MLLT3: variants seen among roughly 807,000 people sequenced by gnomAD.
MLLT3 encodes the protein protein AF-9.
Under a neutral mutation model 53.2 loss-of-function variants are expected in MLLT3, and 4 were observed. The observed-to-expected ratio is 0.08, with a 90% CI of 0.04 to 0.17. The LOEUF (loss-of-function observed/expected upper bound fraction) is 0.17, where lower values mean the gene tolerates loss of function less well. Among genes scored for constraint, MLLT3 ranks in the 10% least tolerant of loss-of-function variants. The pLI, the probability that MLLT3 is intolerant of heterozygous loss-of-function variation, is 1.00. For synonymous variants in MLLT3, 283 were observed against 230.6 expected (o/e 1.23, Z -2.06); for missense variants, 569 against 684.0 (o/e 0.83, Z 1.87).
chr9:20,503,465 A>T (rs914476048), intron 2 of MLLT3, among the ~76,000 whole-genome samples: 1 of 152,254 alleles, frequency 6.6e-6, no homozygotes, highest in Non-Finnish European at 1.5e-5. Context: ...TCTTCAATAA[A>T]TGGTGTTAGG....
intron 2 of MLLT3, among the ~76,000 whole-genome samples, chr9:20,567,925 A>G (rs1819423923): frequency 1.3e-5 from 2 of 152,166 alleles, no homozygotes; most frequent in Admixed American, 1.3e-4. Context: ...CCACTCACCA[A>G]AATACTTACC....
chr9:20,389,773 C>T (rs577774029), intron 5 of MLLT3, among the ~76,000 whole-genome samples: 2 of 151,894 alleles, frequency 1.3e-5, no homozygotes, highest in South Asian at 2.1e-4. Flanking sequence ...AGTGAGACCC[C>T]GTCCGGTAAG....
At chr9:20,501,855 C>A (rs555500620) in intron 2 of MLLT3, among the ~76,000 whole-genome samples, 37 of 149,542 alleles carry the variant, frequency 2.5e-4, no homozygotes, top group African/African-American at 8.6e-4. Flanking sequence ...CCAAAGCAGG[C>A]AGATCACCTG....
chr9:20,602,322 C>T (rs1820445346), intron 2 of MLLT3, among the ~76,000 whole-genome samples: 1 of 152,122 alleles, frequency 6.6e-6, no homozygotes, highest in East Asian at 1.9e-4. Context: ...TTCTTAAGCA[C>T]ATAAATAACT....
chr9:20,473,472 A>G (rs898482216), intron 2 of MLLT3, among the ~76,000 whole-genome samples: 1 of 152,116 alleles, frequency 6.6e-6, no homozygotes, highest in African/African-American at 2.4e-5. Context: ...TATGATCCTT[A>G]ATGTGATAAC....
intron 5 of MLLT3, among the ~76,000 whole-genome samples, chr9:20,379,673 T>C (rs1020533358): frequency 1.3e-5 from 2 of 152,066 alleles, no homozygotes; most frequent in African/African-American, 2.4e-5. Flanking sequence ...AGAAGGTACT[T>C]TTCAGCATCT....
intron 2 of MLLT3, among the ~76,000 whole-genome samples, chr9:20,481,317 C>T (rs963750234): frequency 5.3e-5 from 8 of 152,284 alleles, no homozygotes; most frequent in East Asian, 1.9e-4. Context: ...ATTTCCCGAT[C>T]GCTGTCACAG....
chr9:20,378,487 T>A (rs1216122197), intron 5 of MLLT3, among the ~76,000 whole-genome samples: 3 of 151,886 alleles, frequency 2.0e-5, no homozygotes, highest in Non-Finnish European at 4.4e-5. Flanking sequence ...GTACACAGAG[T>A]TCCTTATTGA....
At chr9:20,545,834 T>G (rs1350490990) in intron 2 of MLLT3, among the ~76,000 whole-genome samples, 1 of 47,614 alleles carries the variant, frequency 2.1e-5, no homozygotes, top group East Asian at 4.6e-4. Flanking sequence ...GCCTGGGAAA[T>G]AAAGTAAGAC....
intron 5 of MLLT3, among the ~76,000 whole-genome samples, chr9:20,372,579 TTTG>T (rs1821637274): frequency 2.1e-5 from 3 of 142,970 alleles, no homozygotes; most frequent in African/African-American, 5.3e-5. Flanking sequence ...TTTTTTTTTT[TTTG>T]TATTTTTAGT....
At chr9:20,493,142 C>G (rs1176762038) in intron 2 of MLLT3, among the ~76,000 whole-genome samples, 1 of 151,906 alleles carries the variant, frequency 6.6e-6, no homozygotes, top group Non-Finnish European at 1.5e-5. Flanking sequence ...AGGAGTTAAA[C>G]ATTATAAACT....
intron 5 of MLLT3, among the ~76,000 whole-genome samples, chr9:20,380,977 C>T (rs1203450920): frequency 1.3e-5 from 2 of 151,892 alleles, no homozygotes; most frequent in African/African-American, 4.8e-5. Flanking sequence ...TGAGCAATGG[C>T]AGGAGGAAGG....
chr9:20,380,725 A>G (rs1051783322), intron 5 of MLLT3, among the ~76,000 whole-genome samples: 1 of 152,022 alleles, frequency 6.6e-6, no homozygotes. Context: ...CTTTTCACTT[A>G]ATTTCATCTG....
At position 20,343,379 on chromosome 9, in the gene MLLT3, C is replaced by T; in HGVS notation, c.*3064G>A. The T allele has an allele frequency of 4.7e-6, 1 of 211,564 alleles. No individual in the cohort carries two copies. The highest frequency in any genetic ancestry group is 9.6e-6 in the Non-Finnish European group (1 of 104,672). The allele number at this position is 211,564 out of a possible 1,614,324, so 13.1% of individuals were successfully genotyped here. A position where few individuals can be genotyped will look rare whatever the true frequency, so the allele number is the denominator to read the frequency against. On this transcript the variant is annotated 3_prime_UTR_variant, in exon 11 of 11. Coordinates refer to ENST00000380338, the MANE Select transcript of MLLT3 (RefSeq NM_004529.4). ...TGATCTGAAGTTTTTATAGTCTTCCCTACCTTGACACTATATGAACGCATT... is the reference window on the plus strand; with the variant it reads ...TGATCTGAAGTTTTTATAGTCTTCCTTACCTTGACACTATATGAACGCATT...
At chr9:20,586,476 C>T (rs1035755497) in intron 2 of MLLT3, among the ~76,000 whole-genome samples, 1 of 151,806 alleles carries the variant, frequency 6.6e-6, no homozygotes, top group African/African-American at 2.4e-5. Flanking sequence ...CGTACATAAC[C>T]CCTAGAAAAT....
At chr9:20,359,082 T>C (rs1821249400) in intron 8 of MLLT3, among the ~76,000 whole-genome samples, 2 of 140,216 alleles carry the variant, frequency 1.4e-5, no homozygotes, top group South Asian at 4.5e-4. Context: ...GAGGCGGAGG[T>C]TGCAGTGAGC....
At chr9:20,455,883 T>C (rs939951244) in intron 3 of MLLT3, among the ~76,000 whole-genome samples, 3 of 151,862 alleles carry the variant, frequency 2.0e-5, no homozygotes, top group Non-Finnish European at 4.4e-5. Context: ...ATTTGTCTGG[T>C]ATTATACAGT....
chr9:20,452,620 C>T (rs901250431), intron 3 of MLLT3, among the ~76,000 whole-genome samples: 3 of 151,984 alleles, frequency 2.0e-5, no homozygotes, highest in East Asian at 1.9e-4. Context: ...ATAATAAATA[C>T]GCAAAAGAAA....
intron 4 of MLLT3, among the ~76,000 whole-genome samples, chr9:20,427,134 G>A (rs938016190): frequency 1.3e-5 from 2 of 152,072 alleles, no homozygotes; most frequent in African/African-American, 4.8e-5. Context: ...ACCATGATGT[G>A]AGGTAAAAGG....
Sources: allele counts gnomAD v4.1 joint callset (sites outside exome capture counted in the v4.1 genomes callset), GRCh38; gene constraint gnomAD v4.1.1; transcripts MANE v1.5; gene names NCBI Gene and HGNC (gene_info 2026-07-23, HGNC 2026-07-21).